The following ENPEP variants were observed in gnomAD, a reference collection of about 807,000 sequenced individuals.
ENPEP encodes AP-A.
A neutral mutation model predicts 114.5 loss-of-function variants in ENPEP; 103 were observed. The ratio of observed to expected loss-of-function variants is 0.90; its 90% CI spans 0.77 to 1.06. The LOEUF (loss-of-function observed/expected upper bound fraction) is 1.06. ENPEP is among the 50% of genes least tolerant of loss of function. ENPEP has a pLI of 0.00. For missense variants in ENPEP, 1,196 were observed against 1,161.3 expected (o/e 1.03, Z -0.43); for synonymous variants, 420 against 422.0 (o/e 1.00, Z 0.06).
chr4:110,550,697 G>C (rs1180169859), intron 17 of ENPEP, among the ~76,000 whole-genome samples: 5 of 151,806 alleles, frequency 3.3e-5, no homozygotes, highest in African/African-American at 1.2e-4. Flanking sequence ...CAACACTTAT[G>C]GTGTCCTTTC....
intron 10 of ENPEP, among the ~76,000 whole-genome samples, chr4:110,530,714 G>A (rs1395159587): frequency 6.6e-6 from 1 of 152,086 alleles, no homozygotes; most frequent in Admixed American, 6.6e-5. Flanking sequence ...AGGCTTTAGG[G>A]GATGATGGTG....
chr4:110,507,333 G>C (rs980442610), intron 4 of ENPEP, among the ~76,000 whole-genome samples: 3 of 152,146 alleles, frequency 2.0e-5, no homozygotes, highest in Admixed American at 2.0e-4. Flanking sequence ...CAACCAAAAT[G>C]GTGTGCATAT....
chr4:110,503,686 T>C (rs116110734), intron 3 of ENPEP, among the ~76,000 whole-genome samples: 22 of 152,300 alleles, frequency 1.4e-4, no homozygotes, highest in African/African-American at 5.3e-4. Flanking sequence ...TGACTTTCCC[T>C]CAACTGTGGT....
chr4:110,558,270 T>TTATATATATATATATA (rs5861011), intron 18 of ENPEP, among the ~76,000 whole-genome samples: 59 of 141,688 alleles, frequency 4.2e-4, no homozygotes, highest in African/African-American at 1.5e-3. Context: ...TTTATAAAAA[T>TTATATATATATATATA]TATATATATA....
rs1459153927 is a variant in ENPEP, at chr4:110,555,926, AC to A, written c.2642+2472del. On this transcript the variant is annotated intron_variant, in intron 18 of 19. Transcript: ENST00000265162. Reference sequence around the variant, plus strand: ...CAGTATATTTTCCCTTATTTTCTATACTTTATATGATATTAGTTTCCTGGGG... The same window carrying A: ...CAGTATATTTTCCCTTATTTTCTATATTTATATGATATTAGTTTCCTGGGG... Among the ~76,000 whole-genome samples the A allele has an allele frequency of 2.6e-5, 4 of 152,084 alleles. No individual in the cohort carries two copies. In the East Asian group the frequency reaches 7.7e-4, roughly 29 times the overall value.
intron 8 of ENPEP, among the ~76,000 whole-genome samples, chr4:110,518,130 C>A (rs1342143017): frequency 6.6e-6 from 1 of 152,158 alleles, no homozygotes; most frequent in Admixed American, 6.5e-5. Context: ...CCAAACTCAA[C>A]CTCAAACAGC....
At chr4:110,528,914 A>G (rs1482763552) in intron 10 of ENPEP, among the ~76,000 whole-genome samples, 1 of 152,220 alleles carries the variant, frequency 6.6e-6, no homozygotes, top group Admixed American at 6.5e-5. Context: ...CGTTTCATTT[A>G]TGTAATTTCC....
At chr4:110,508,073 A>T (rs1022157064) in intron 4 of ENPEP, among the ~76,000 whole-genome samples, 22 of 152,248 alleles carry the variant, frequency 1.4e-4, no homozygotes, top group African/African-American at 5.1e-4. Context: ...TGAGAAGTGG[A>T]AATCTCACAA....
chr4:110,506,583 A>G (rs879248593), intron 3 of ENPEP, 54 bp from the exon 4 acceptor site: 1 of 1,544,848 alleles, frequency 6.5e-7, no homozygotes, highest in South Asian at 1.2e-5. Context: ...CAGTTTTTGT[A>G]TTTTGTTGAA....
intron 7 of ENPEP, among the ~76,000 whole-genome samples, chr4:110,514,298 G>A (rs2110357851): frequency 6.6e-6 from 1 of 152,042 alleles, no homozygotes. Flanking sequence ...AGTCTTATTT[G>A]AGTCAAAAAT....
In ENPEP at chr4:110,503,911, A is replaced by C. The variant is rs114230335; in HGVS notation, c.919-2726A>C. 4.6e-3 allele frequency among the ~76,000 whole-genome samples: 700 copies of C among 152,332 alleles called. 6 individuals carry two copies. The highest frequency in any genetic ancestry group is 0.016 in the African/African-American group (669 of 41,568). On this transcript the variant is annotated intron_variant, in intron 3 of 19. Transcript: ENST00000265162. ...TGCTTAAGCATAATGGCCAGTAGTT[A>C]GGCTCTTGCTCAGCCACAAGGCTCC...
chr4:110,563,715 G>T lies in ENPEP; in HGVS notation c.*2157G>T, dbSNP rs558961302. 2 of 152,202 alleles carry T rather than the reference G, an allele frequency of 1.3e-5. No homozygotes were observed. Among genetic ancestry groups the T allele is most frequent in the African/African-American group, 4.8e-5 (2 of 41,536 alleles). 9.4% of individuals were successfully genotyped at this position (152,202 alleles called of 1,614,324 possible). A position where few individuals can be genotyped will look rare whatever the true frequency, so the allele number is the denominator to read the frequency against. On this transcript the variant is annotated 3_prime_UTR_variant, in exon 20 of 20. Coordinates refer to ENST00000265162, the MANE Select transcript of ENPEP (RefSeq NM_001977.4). Reference sequence around the variant, plus strand: ...TTAACTGGAAAATATGGGAAGCAAGGTCATGTAGCAAAAAGCAAGGCCAGT... The same window carrying T: ...TTAACTGGAAAATATGGGAAGCAAGTTCATGTAGCAAAAAGCAAGGCCAGT...
In ENPEP at chr4:110,549,885, A is replaced by T. The variant is rs766764576; in HGVS notation, c.2500A>T (p.Arg834Trp). Residue 834 changes from arginine (R) to tryptophan (W), a missense_variant and splice_region_variant, in exon 17 of 20, where the codon AGG becomes TGG. By Grantham distance (101) the Arg-to-Trp change is moderately radical (BLOSUM62 -3). Coordinates refer to ENST00000265162, the MANE Select transcript of ENPEP (RefSeq NM_001977.4). ...ASVKNVTLLS[R>W]YLDLLKDTNL... ...AGTGAAGAACGTTACTCTTTTGTCA[A>T]GGTAAGTTGGGCTTTTATTTCACAT... is the stretch of plus-strand genomic sequence containing the variant. 5.6e-6 allele frequency: 9 copies of T among 1,605,354 alleles called. No individual in the cohort carries two copies. The African/African-American group carries it at 1.2e-4, about 22-fold the overall frequency.
chr4:110,549,868 A>C lies in ENPEP; in HGVS notation c.2483A>C (p.Asn828Thr). 1.2e-6 allele frequency: 2 copies of C among 1,609,690 alleles called. No homozygotes were observed. The highest frequency in any genetic ancestry group is 1.7e-6 in the Non-Finnish European group (2 of 1,178,546). The change falls in exon 17 of 20, where the codon AAC (asparagine) becomes ACC (threonine). Residue 828 changes from asparagine (N) to threonine (T), a missense_variant. Asn to Thr is a moderately conservative substitution (Grantham distance 65). Coordinates refer to ENST00000265162, the MANE Select transcript of ENPEP (RefSeq NM_001977.4). ...KLLYGLASVK[N>T]VTLLSRYLDL... Reference sequence around the variant, plus strand: ...CTGTATGGATTAGCATCAGTGAAGAACGTTACTCTTTTGTCAAGGTAAGTT... The same window carrying C: ...CTGTATGGATTAGCATCAGTGAAGACCGTTACTCTTTTGTCAAGGTAAGTT...
chr4:110,508,683 C>T (rs1230423789), intron 4 of ENPEP, among the ~76,000 whole-genome samples: 3 of 152,052 alleles, frequency 2.0e-5, no homozygotes, highest in African/African-American at 2.4e-5. Flanking sequence ...CGGTGGCGGG[C>T]GCCTGTAGTC....
chr4:110,481,435 A>C (rs753944002), intron 1 of ENPEP, among the ~76,000 whole-genome samples: 1 of 152,006 alleles, frequency 6.6e-6, no homozygotes, highest in Non-Finnish European at 1.5e-5. Flanking sequence ...CTCTGTGACT[A>C]TGGATTCTTC....
In ENPEP at chr4:110,491,049, A is replaced by G. The variant is rs1216085033; in HGVS notation, c.803A>G (p.Asp268Gly). 1.9e-6 allele frequency: 3 copies of G among 1,610,248 alleles called. No homozygotes were observed. Among genetic ancestry groups the G allele is most frequent in the South Asian group, 2.2e-5 (2 of 89,812 alleles). ...NMPVAKEESVDDKWTRTTFEK... is the reference protein window; with the variant it reads ...NMPVAKEESVGDKWTRTTFEK... Reference sequence around the variant, plus strand: ...TTTCAATAGAAAGAAGAGTCAGTGGATGATAAATGGACTCGAACAACTTTT... The same window carrying G: ...TTTCAATAGAAAGAAGAGTCAGTGGGTGATAAATGGACTCGAACAACTTTT... The change falls in exon 3 of 20, where the codon GAT becomes GGT. Residue 268 changes from aspartate (D) to glycine (G), a missense_variant. Transcript: ENST00000265162.
At chr4:110,516,971 T>C (rs1385758392) in intron 8 of ENPEP, among the ~76,000 whole-genome samples, 1 of 151,984 alleles carries the variant, frequency 6.6e-6, no homozygotes, top group Non-Finnish European at 1.5e-5. Flanking sequence ...TGAGACAGAG[T>C]CTCGCTCTGT....
chr4:110,546,027 T>G (rs1213876171), intron 13 of ENPEP, among the ~76,000 whole-genome samples: 3 of 152,028 alleles, frequency 2.0e-5, no homozygotes, highest in Admixed American at 2.0e-4. Context: ...CTCCTGAGTC[T>G]TAATTAGACA....
Sources: allele counts gnomAD v4.1 joint callset (sites outside exome capture counted in the v4.1 genomes callset), GRCh38; gene constraint gnomAD v4.1.1; transcripts MANE v1.5; gene names NCBI Gene and HGNC (gene_info 2026-07-23, HGNC 2026-07-21).